BEND5: variants seen among roughly 807,000 people sequenced by gnomAD.
The protein encoded by BEND5 is BEN domain containing 5.
A neutral mutation model predicts 43.9 loss-of-function variants in BEND5; 22 were observed. The observed-to-expected ratio is 0.50, with a 90% CI of 0.36 to 0.72. The LOEUF (loss-of-function observed/expected upper bound fraction) is 0.72, where lower values mean the gene tolerates loss of function less well. Among genes scored for constraint, BEND5 ranks in the 30% least tolerant of loss-of-function variants. The probability of loss-of-function intolerance (pLI) is 0.00; values close to 1 mark genes in which losing one functional copy is unlikely to be tolerated. For synonymous variants in BEND5, 228 were observed against 225.9 expected (o/e 1.01, Z -0.08); for missense variants, 428 against 550.6 (o/e 0.78, Z 2.23).
At chr1:48,755,546 T>C (rs1652417671) in intron 3 of BEND5, among the ~76,000 whole-genome samples, 1 of 152,178 alleles carries the variant, frequency 6.6e-6, no homozygotes, top group South Asian at 2.1e-4. Flanking sequence ...GCCTGGGCCC[T>C]ACATCAACCC....
intron 4 of BEND5, among the ~76,000 whole-genome samples, chr1:48,737,648 C>A (rs973306304): frequency 1.6e-4 from 25 of 152,172 alleles, no homozygotes; most frequent in Admixed American, 1.1e-3. Flanking sequence ...AGTTTCAGTG[C>A]AGAGCCAATA....
intron 1 of BEND5, among the ~76,000 whole-genome samples, chr1:48,773,086 T>G (rs1422537865): frequency 6.6e-6 from 1 of 152,128 alleles, no homozygotes; most frequent in Non-Finnish European, 1.5e-5. Flanking sequence ...CACTGGTATA[T>G]TCACTTAATA....
At chr1:48,753,611 T>C (rs897903041) in intron 3 of BEND5, among the ~76,000 whole-genome samples, 6 of 152,358 alleles carry the variant, frequency 3.9e-5, no homozygotes, top group Admixed American at 3.9e-4. Context: ...GAAACAGATA[T>C]GCAGGCCACA....
intron 3 of BEND5, among the ~76,000 whole-genome samples, chr1:48,747,260 G>T (rs1399013597): frequency 6.6e-6 from 1 of 152,134 alleles, no homozygotes; most frequent in Non-Finnish European, 1.5e-5. Flanking sequence ...TTAAAAAAGG[G>T]CTTTGATCCA....
chr1:48,747,389 G>C (rs1055396321), intron 3 of BEND5, among the ~76,000 whole-genome samples: 3 of 152,170 alleles, frequency 2.0e-5, no homozygotes, highest in Non-Finnish European at 4.4e-5. Flanking sequence ...GGTAGTACTT[G>C]TCTTTTCATT....
chr1:48,758,916 G>A lies in BEND5; in HGVS notation c.729C>T (p.Leu243=), dbSNP rs758761416. The change falls in exon 3 of 6, where the codon CTC becomes CTT. Residue 243 remains leucine (L), a synonymous_variant. Transcript: ENST00000371833. ...GGCACTCACCGCTGCCAAGCCGCAG[G>A]AGCAGCACGTCCTGGAGCCTCCGGT... ...DLNRRLQDVL[L]LRLGSGPAID... is the part of the protein sequence containing the mutation. 7 of 1,534,792 alleles carry A rather than the reference G, an allele frequency of 4.6e-6. No individual in the cohort carries two copies. Among genetic ancestry groups the A allele is most frequent in the African/African-American group, 1.4e-5 (1 of 72,062 alleles).
chr1:48,733,375 T>C (rs187706601), intron 5 of BEND5, among the ~76,000 whole-genome samples: 56 of 152,158 alleles, frequency 3.7e-4, no homozygotes, highest in African/African-American at 1.2e-3. Flanking sequence ...GGCAGGAAAA[T>C]GGAGGACATA....
intron 1 of BEND5, among the ~76,000 whole-genome samples, chr1:48,773,352 G>A (rs974974843): frequency 6.6e-6 from 1 of 152,272 alleles, no homozygotes; most frequent in African/African-American, 2.4e-5. Flanking sequence ...TTCACAACCT[G>A]CTTGGCAAAT....
Position 48,776,803 on chromosome 1 carries a change from T to C in BEND5, c.29A>G (p.Asp10Gly). The C allele has an allele frequency of 1.3e-6, 2 of 1,523,520 alleles. No individual in the cohort carries two copies. The highest frequency in any genetic ancestry group is 2.7e-5 in the East Asian group (1 of 37,322). 94.4% of individuals were successfully genotyped at this position (1,523,520 alleles called of 1,614,324 possible). MYAFVRFLEDNVCYALPVSC... is the reference protein window; with the variant it reads MYAFVRFLEGNVCYALPVSC... The stretch of plus-strand genomic sequence containing the variant: ...CACGGGCAGCGCGTAGCAGACGTTG[T>C]CCTCCAGGAACCGCACAAAGGCGTA... The change falls in exon 1 of 6, where the codon GAC becomes GGC. Residue 10 changes from aspartate to glycine, a missense_variant. Asp to Gly is a moderately conservative substitution (Grantham distance 94). This residue lies in a region of BEND5 where 107 missense variants were observed against 98.8 expected (regional missense o/e 1.08). Coordinates refer to ENST00000371833, the MANE Select transcript of BEND5 (RefSeq NM_024603.4).
intron 3 of BEND5, among the ~76,000 whole-genome samples, chr1:48,758,511 G>C (rs1386397156): frequency 2.0e-5 from 3 of 152,096 alleles, no homozygotes; most frequent in Non-Finnish European, 4.4e-5. Flanking sequence ...ATCACTTTCT[G>C]ACTTAAACTA....
chr1:48,750,845 G>C (rs531536148), intron 3 of BEND5, among the ~76,000 whole-genome samples: 2 of 152,234 alleles, frequency 1.3e-5, no homozygotes, highest in South Asian at 4.1e-4. Context: ...GGCTAGACGA[G>C]GTGAACTCTG....
chr1:48,762,009 G>A (rs192714671), intron 1 of BEND5, among the ~76,000 whole-genome samples: 20 of 152,284 alleles, frequency 1.3e-4, no homozygotes, highest in African/African-American at 4.6e-4. Context: ...GCAGACGGGA[G>A]AAGAATAACA....
At chr1:48,764,794 A>G (rs1451903694) in intron 1 of BEND5, among the ~76,000 whole-genome samples, 12 of 152,226 alleles carry the variant, frequency 7.9e-5, no homozygotes, top group East Asian at 1.9e-4. Context: ...AAATCAGCTC[A>G]GTAAATGTTC....
At chr1:48,774,246 T>G (rs887583188) in intron 1 of BEND5, among the ~76,000 whole-genome samples, 5 of 152,178 alleles carry the variant, frequency 3.3e-5, no homozygotes, top group African/African-American at 1.2e-4. Flanking sequence ...CATAGCACAG[T>G]GGTATTTACA....
chr1:48,746,219 G>A (rs1400255562), intron 3 of BEND5, among the ~76,000 whole-genome samples: 4 of 152,158 alleles, frequency 2.6e-5, no homozygotes, highest in Admixed American at 6.5e-5. Context: ...TCAGAGTCTA[G>A]TACAGAGTGG....
chr1:48,729,998 T>C (rs1211114137), intron 5 of BEND5, among the ~76,000 whole-genome samples: 2 of 152,164 alleles, frequency 1.3e-5, no homozygotes, highest in Non-Finnish European at 2.9e-5. Flanking sequence ...TGCTCATCTC[T>C]GCTTAAGTCC....
At position 48,776,663 on chromosome 1, in the gene BEND5, C is replaced by A. The variant is rs1334703178; in HGVS notation, c.169G>T (p.Ala57Ser). Residue 57 changes from alanine (A) to serine (S), a missense_variant, in exon 1 of 6, where the codon GCC (alanine) becomes TCC (serine). Physicochemically the swap from Ala to Ser is moderately conservative, Grantham distance 99 (BLOSUM62 1). Transcript: ENST00000371833. The part of the protein sequence containing the change: ...LGAGPESPPR[A>S]PRDWGALLLH... ...AACAGCGCGCCCCAGTCGCGGGGGG[C>A]GCGCGGGGGGCTCTCGGGCCCGGCG... 1 of 1,493,144 alleles carries A rather than the reference C, an allele frequency of 6.7e-7. No homozygotes were observed. The allele number at this position is 1,493,144 out of a possible 1,614,324, so 92.5% of individuals were successfully genotyped here. A position where few individuals can be genotyped will look rare whatever the true frequency, so the allele number is the denominator to read the frequency against.
rs181457350 is a variant in BEND5, at chr1:48,772,760, A to G, written c.226+3846T>C. Among the ~76,000 whole-genome samples, 139 of 152,346 alleles carry G rather than the reference A, an allele frequency of 9.1e-4. 1 individual carries two copies. Among genetic ancestry groups the G allele is most frequent in the African/African-American group, 3.2e-3 (132 of 41,586 alleles). On this transcript the variant is annotated intron_variant, in intron 1 of 5. Transcript: ENST00000371833. ...GGTAATCAATTAGAAGACTGCTTCA[A>G]TAGTTTAGATAAGAGCTGATGCTGA...
chr1:48,770,027 GC>G (rs926290321), intron 1 of BEND5, among the ~76,000 whole-genome samples: 46 of 152,092 alleles, frequency 3.0e-4, no homozygotes, highest in African/African-American at 6.8e-4. Context: ...TGACCTGCTT[GC>G]CACCTTTAGT....
Sources: allele counts gnomAD v4.1 joint callset (sites outside exome capture counted in the v4.1 genomes callset), GRCh38; gene constraint gnomAD v4.1.1; regional missense constraint gnomAD v4.1.1; transcripts MANE v1.5; gene names NCBI Gene and HGNC (gene_info 2026-07-23, HGNC 2026-07-21).